The following RGS7BP variants were observed in gnomAD, a reference collection of about 807,000 sequenced individuals.
RGS7BP encodes the protein regulator of G protein signaling 7-binding protein.
RGS7BP carries 9 observed loss-of-function variants against 31.3 expected under a neutral mutation model. The ratio of observed to expected loss-of-function variants is 0.29; its 90% CI spans 0.17 to 0.50. RGS7BP has a LOEUF of 0.50. RGS7BP is among the 20% of genes least tolerant of loss of function. The probability of loss-of-function intolerance (pLI) is 0.98; values close to 1 mark genes in which losing one functional copy is unlikely to be tolerated. For synonymous variants in RGS7BP, 115 were observed against 120.1 expected, an observed-to-expected ratio of 0.96 and a Z score of 0.28; for missense variants, 274 against 322.0, an observed-to-expected ratio of 0.85 and a Z score of 1.14.
At chr5:64,587,920 T>A (rs2111937120) in intron 3 of RGS7BP, among the ~76,000 whole-genome samples, 1 of 152,270 alleles carries the variant, frequency 6.6e-6, no homozygotes, top group East Asian at 1.9e-4. Context: ...AGGACACTGT[T>A]ATTAATAGAC....
intron 2 of RGS7BP, among the ~76,000 whole-genome samples, chr5:64,519,665 G>A (rs1480068486): frequency 1.3e-5 from 2 of 152,162 alleles, no homozygotes; most frequent in African/African-American, 4.8e-5. Flanking sequence ...AGAGAACTAG[G>A]AGTTTAAATG....
chr5:64,549,308 T>A (rs185880626), intron 2 of RGS7BP, among the ~76,000 whole-genome samples: 11 of 152,212 alleles, frequency 7.2e-5, no homozygotes, highest in African/African-American at 2.7e-4. Context: ...CCCAATCAAG[T>A]CCAAAGTTTA....
At chr5:64,557,911 A>C (rs568238663) in intron 2 of RGS7BP, among the ~76,000 whole-genome samples, 1 of 152,280 alleles carries the variant, frequency 6.6e-6, no homozygotes, top group South Asian at 2.1e-4. Flanking sequence ...AAATGAAGGA[A>C]GGCCAAAATG....
intron 2 of RGS7BP, chr5:64,573,658 A>G (rs867935364): frequency 5.7e-4 from 87 of 152,328 alleles, no homozygotes; most frequent in African/African-American, 2.0e-3. Flanking sequence ...TTTGTGAAGC[A>G]TTATATTTAT....
intron 3 of RGS7BP, among the ~76,000 whole-genome samples, chr5:64,585,456 A>AAT (rs1375156999): frequency 5.3e-5 from 8 of 151,988 alleles, no homozygotes; most frequent in African/African-American, 1.9e-4. Flanking sequence ...CAAAGAAAAG[A>AAT]GGAGTGGGGA....
chr5:64,595,717 G>A (rs1464024210), intron 4 of RGS7BP, among the ~76,000 whole-genome samples: 1 of 152,072 alleles, frequency 6.6e-6, no homozygotes, highest in Non-Finnish European at 1.5e-5. Context: ...TCCACTGAGT[G>A]TTCTGTGTGT....
chr5:64,528,343 G>C (rs1403521196), intron 2 of RGS7BP, among the ~76,000 whole-genome samples: 1 of 152,104 alleles, frequency 6.6e-6, no homozygotes, highest in East Asian at 1.9e-4. Context: ...TTTTTGCCTG[G>C]TGTATTGGTG....
intron 3 of RGS7BP, among the ~76,000 whole-genome samples, chr5:64,590,034 TTAAATA>T (rs1177772970): frequency 6.6e-6 from 1 of 151,906 alleles, no homozygotes; most frequent in Non-Finnish European, 1.5e-5. Context: ...TTGGGGAAAT[TTAAATA>T]TAGACTATAT....
At chr5:64,510,658 T>C (rs1407605850) in intron 2 of RGS7BP, among the ~76,000 whole-genome samples, 1 of 152,236 alleles carries the variant, frequency 6.6e-6, no homozygotes, top group Non-Finnish European at 1.5e-5. Flanking sequence ...AGTCATTGAA[T>C]TGTAACTAAT....
At chr5:64,515,001 G>C (rs1357601559) in intron 2 of RGS7BP, among the ~76,000 whole-genome samples, 1 of 152,154 alleles carries the variant, frequency 6.6e-6, no homozygotes, top group Non-Finnish European at 1.5e-5. Context: ...GTTCCAATTA[G>C]AGAGAAAATT....
At chr5:64,543,313 G>T (rs1741572234) in intron 2 of RGS7BP, among the ~76,000 whole-genome samples, 1 of 152,254 alleles carries the variant, frequency 6.6e-6, no homozygotes, top group Admixed American at 6.5e-5. Context: ...GATTCTTTTA[G>T]TTGCAAGTGA....
intron 2 of RGS7BP, among the ~76,000 whole-genome samples, chr5:64,551,700 C>T (rs1741800573): frequency 6.6e-6 from 1 of 152,164 alleles, no homozygotes; most frequent in Non-Finnish European, 1.5e-5. Context: ...CTGGAAAACA[C>T]AGCATGTTTT....
intron 3 of RGS7BP, among the ~76,000 whole-genome samples, chr5:64,580,448 T>G (rs997422404): frequency 6.6e-6 from 1 of 152,140 alleles, no homozygotes; most frequent in Non-Finnish European, 1.5e-5. Context: ...AGGCTCAAAA[T>G]GAGCAGTGGA....
At chr5:64,515,558 A>T (rs1748949516) in intron 2 of RGS7BP, among the ~76,000 whole-genome samples, 2 of 152,168 alleles carry the variant, frequency 1.3e-5, no homozygotes, top group African/African-American at 4.8e-5. Flanking sequence ...AGGCCCTGAG[A>T]GTTTGGTTGT....
At chr5:64,546,212 C>T (rs1427343908) in intron 2 of RGS7BP, among the ~76,000 whole-genome samples, 4 of 152,168 alleles carry the variant, frequency 2.6e-5, no homozygotes, top group South Asian at 2.1e-4. Flanking sequence ...AACCCCTTCT[C>T]TACTAAAAAT....
chr5:64,536,684 T>G (rs2111797045), intron 2 of RGS7BP, among the ~76,000 whole-genome samples: 1 of 152,340 alleles, frequency 6.6e-6, no homozygotes, highest in East Asian at 1.9e-4. Flanking sequence ...CTGTGAAACC[T>G]ATTGACTAAT....
chr5:64,507,640 T>C, intron 1 of RGS7BP, 71 bp from the exon 2 acceptor site: 1 of 1,423,932 alleles, frequency 7.0e-7, no homozygotes, highest in Non-Finnish European at 9.5e-7. Context: ...CCCCTGTTTA[T>C]GTACTCCGAA....
intron 3 of RGS7BP, among the ~76,000 whole-genome samples, chr5:64,586,733 T>A (rs749171424): frequency 2.1e-4 from 32 of 152,236 alleles, no homozygotes; most frequent in Non-Finnish European, 3.7e-4. Context: ...AAAGTTTCAA[T>A]TAATGGTTAT....
intron 5 of RGS7BP, chr5:64,601,576 C>A: frequency 3.4e-6 from 1 of 293,510 alleles, no homozygotes; most frequent in Non-Finnish European, 5.1e-6. Context: ...GAAAGAAAAG[C>A]AAGCCACCCT....
Sources: allele counts gnomAD v4.1 joint callset (sites outside exome capture counted in the v4.1 genomes callset), GRCh38; gene constraint gnomAD v4.1.1; transcripts MANE v1.5; gene names NCBI Gene and HGNC (gene_info 2026-07-23, HGNC 2026-07-21).